PRH1: variants seen among roughly 807,000 people sequenced by gnomAD.
PRH1 encodes the protein proline rich protein HaeIII subfamily 1.
PRH1 carries 7 observed loss-of-function variants against 7.9 expected under a neutral mutation model. The observed-to-expected ratio is 0.89, with a 90% CI of 0.50 to 1.67. The LOEUF (loss-of-function observed/expected upper bound fraction) is 1.67. Among genes scored for constraint, PRH1 ranks in the 40% most tolerant of loss-of-function variants. The pLI is 0.00. For synonymous variants in PRH1, 45 were observed against 80.8 expected (o/e 0.56, Z 2.38); for missense variants, 109 against 223.6 (o/e 0.49, Z 3.27).
chr12:11,108,567 C>T (rs908896553), intron 1 of PRH1, among the ~76,000 whole-genome samples: 2 of 152,094 alleles, frequency 1.3e-5, no homozygotes, highest in Non-Finnish European at 2.9e-5. Context: ...TGCAAGGGGT[C>T]GGGGAACTCC....
chr12:11,089,703 G>A (rs1053048936), intron 1 of PRH1, among the ~76,000 whole-genome samples: 11,605 of 73,074 alleles, frequency 0.16, 804 homozygotes, highest in Non-Finnish European at 0.22. Flanking sequence ...TATTTAAATA[G>A]TCAACTAGAA....
At chr12:11,025,440 C>A (rs1941860150) in intron 1 of PRH1, among the ~76,000 whole-genome samples, 2 of 150,900 alleles carry the variant, frequency 1.3e-5, no homozygotes, top group African/African-American at 4.9e-5. Flanking sequence ...GAATACAGTT[C>A]TTTTCAACAT....
At chr12:10,941,558 ATTT>A (rs1261721211) in intron 2 of PRH1, among the ~76,000 whole-genome samples, 5 of 125,654 alleles carry the variant, frequency 4.0e-5, no homozygotes, top group Non-Finnish European at 6.6e-5. Context: ...AAAATTTATT[ATTT>A]ATTTATTATT....
At chr12:11,003,052 T>C (rs1235472230) in intron 1 of PRH1, among the ~76,000 whole-genome samples, 3 of 152,008 alleles carry the variant, frequency 2.0e-5, no homozygotes, top group Admixed American at 6.6e-5. Flanking sequence ...TATTGCAATA[T>C]AGTTGTTCAA....
At chr12:10,919,963 A>T (rs935856384) in intron 2 of PRH1, among the ~76,000 whole-genome samples, 5 of 149,830 alleles carry the variant, frequency 3.3e-5, no homozygotes, top group Non-Finnish European at 7.4e-5. Context: ...GGAGTGGCTC[A>T]ATTAAGGCTC....
intron 1 of PRH1, among the ~76,000 whole-genome samples, chr12:11,087,908 C>T (rs1171832862): frequency 8.6e-6 from 1 of 115,824 alleles, no homozygotes; most frequent in Non-Finnish European, 2.0e-5. Flanking sequence ...TAATCTACAC[C>T]CATTATGAGG....
At chr12:11,109,416 G>A (rs4313662) in intron 1 of PRH1, among the ~76,000 whole-genome samples, 33,928 of 152,032 alleles carry the variant, frequency 0.22, 3,835 homozygotes, top group Non-Finnish European at 0.24. Context: ...TCATACAGGA[G>A]AGCTCTGCCT....
intron 2 of PRH1, among the ~76,000 whole-genome samples, chr12:10,931,319 G>C (rs1278858457): frequency 6.6e-6 from 1 of 152,066 alleles, no homozygotes; most frequent in Non-Finnish European, 1.5e-5. Context: ...AATAGGGTTG[G>C]GAATGAGGAC....
chr12:11,099,269 G>A (rs1305163550), intron 1 of PRH1, among the ~76,000 whole-genome samples: 1 of 152,100 alleles, frequency 6.6e-6, no homozygotes, highest in African/African-American at 2.4e-5. Context: ...TTTACCATGA[G>A]AATATCGCCT....
At chr12:10,946,489 T>A (rs1950489394) in intron 2 of PRH1, among the ~76,000 whole-genome samples, 1 of 152,164 alleles carries the variant, frequency 6.6e-6, no homozygotes, top group Non-Finnish European at 1.5e-5. Context: ...GTAATAACAT[T>A]CCTTTAAATC....
At chr12:11,151,314 C>A (rs1302604142) in intron 1 of PRH1, among the ~76,000 whole-genome samples, 1 of 151,316 alleles carries the variant, frequency 6.6e-6, no homozygotes, top group Non-Finnish European at 1.5e-5. Flanking sequence ...GCCATAAGTG[C>A]TGTTGCTGCT....
At chr12:10,995,169 A>G (rs971957289) in intron 1 of PRH1, among the ~76,000 whole-genome samples, 1 of 152,154 alleles carries the variant, frequency 6.6e-6, no homozygotes, top group East Asian at 1.9e-4. Context: ...CACCACCCCA[A>G]TATAGTTCAT....
At chr12:10,945,711 G>C (rs144893089) in intron 2 of PRH1, among the ~76,000 whole-genome samples, 3,010 of 152,204 alleles carry the variant, frequency 0.02, 35 homozygotes, top group South Asian at 0.032. Flanking sequence ...AATTTATTAG[G>C]CAGGAATTTC....
intron 1 of PRH1, among the ~76,000 whole-genome samples, chr12:11,043,047 T>C (rs1942774257): frequency 6.6e-6 from 1 of 152,148 alleles, no homozygotes. Flanking sequence ...CTCAACAATA[T>C]ACTAGCGAAT....
chr12:11,037,628 G>A (rs551562179), intron 1 of PRH1, among the ~76,000 whole-genome samples: 1 of 152,156 alleles, frequency 6.6e-6, no homozygotes, highest in East Asian at 1.9e-4. Context: ...AATCAAATTG[G>A]AAATAAAAAG....
At chr12:11,106,309 T>C (rs1199604508) in intron 1 of PRH1, among the ~76,000 whole-genome samples, 20 of 152,160 alleles carry the variant, frequency 1.3e-4, no homozygotes, top group Admixed American at 1.2e-3. Flanking sequence ...CACTCACTCA[T>C]GGATAGAAGA....
intron 1 of PRH1, chr12:11,006,042 T>C (rs192513370): frequency 2.5e-4 from 38 of 152,194 alleles, no homozygotes; most frequent in Middle Eastern, 3.4e-3. Context: ...TTTTTACTTC[T>C]TTTTCAGGTT....
chr12:11,060,113 A>C (rs1943522428), intron 1 of PRH1, among the ~76,000 whole-genome samples: 1 of 152,168 alleles, frequency 6.6e-6, no homozygotes, highest in South Asian at 2.1e-4. Flanking sequence ...CTTAAGGTTT[A>C]AATCACATTT....
chr12:10,974,416 T>C (rs1051363775), intron 1 of PRH1, among the ~76,000 whole-genome samples: 2 of 152,074 alleles, frequency 1.3e-5, no homozygotes, highest in Non-Finnish European at 2.9e-5. Context: ...AGGAACACAA[T>C]AGCCCTTCCA....
Sources: allele counts gnomAD v4.1 joint callset (sites outside exome capture counted in the v4.1 genomes callset), GRCh38; gene constraint gnomAD v4.1.1; transcripts MANE v1.5; gene names NCBI Gene and HGNC (gene_info 2026-07-23, HGNC 2026-07-21).